Variants in AXDND1 observed in about 807,000 individuals in gnomAD.
The protein encoded by AXDND1 is axonemal dynein light chain domain-containing protein 1.
In AXDND1, 110 loss-of-function variants were observed where a neutral mutation model predicts 137.5. That is an observed-to-expected ratio of 0.80 (90% CI 0.69 to 0.94). AXDND1 has a LOEUF of 0.94. Ranked by LOEUF, AXDND1 falls within the 40% of genes least tolerant of loss-of-function variation. AXDND1 has a pLI of 0.00. For synonymous variants in AXDND1, 414 were observed against 399.7 expected, an observed-to-expected ratio of 1.04 and a Z score of -0.43; for missense variants, 1,191 against 1,169.8, an observed-to-expected ratio of 1.02 and a Z score of -0.26.
chr1:179,521,025 A>G (rs556581152), intron 21 of AXDND1, among the ~76,000 whole-genome samples: 129 of 152,006 alleles, frequency 8.5e-4, no homozygotes, highest in African/African-American at 2.2e-3. Context: ...TCAGCGGTCC[A>G]GTTATGGTTC....
At chr1:179,551,133 A>G (rs764037878) in intron 25 of AXDND1, 12 of 1,612,480 alleles carry the variant, frequency 7.4e-6, no homozygotes, top group Admixed American at 1.7e-5. Flanking sequence ...TGACTTTTCT[A>G]TGGCAGGCCC....
chr1:179,473,945 T>G (rs1024929462), intron 17 of AXDND1, among the ~76,000 whole-genome samples: 15 of 152,184 alleles, frequency 9.9e-5, no homozygotes, highest in Non-Finnish European at 2.2e-4. Flanking sequence ...TAGTCTTGGC[T>G]GGGTGTGGTG....
At position 179,495,156 on chromosome 1, in the gene AXDND1, G is replaced by GT. The variant is rs943760899; in HGVS notation, c.2388+2213dup. ...CAGGTAATATAAATCCTCCAAATTT[G>GT]TTTTTTTTCAAGATCAGGCTATTCT... On this transcript the variant is annotated intron_variant, in intron 20 of 25. Transcript: ENST00000367618. Among the ~76,000 whole-genome samples the GT allele has an allele frequency of 2.4e-4, 37 of 151,180 alleles. No homozygotes were observed. The East Asian group carries it at 5.6e-3, about 23-fold the overall frequency.
At chr1:179,453,078 C>T (rs998875467) in intron 16 of AXDND1, 1 of 152,206 alleles carries the variant, frequency 6.6e-6, no homozygotes, top group Non-Finnish European at 1.5e-5. Context: ...TGCGGGTGTA[C>T]AGAAGTCAAG....
chr1:179,468,874 C>T (rs954551083), intron 17 of AXDND1, among the ~76,000 whole-genome samples: 6 of 152,094 alleles, frequency 3.9e-5, no homozygotes, highest in Non-Finnish European at 8.8e-5. Flanking sequence ...CCGTCCTACC[C>T]CCAGCCCTAA....
Position 179,554,566 on chromosome 1 carries a change from C to T in AXDND1, c.*47C>T, listed in dbSNP as rs1673795435. 6.2e-7 allele frequency: 1 copy of T among 1,613,986 alleles called. No homozygotes were observed. The highest frequency in any genetic ancestry group is 8.5e-7 in the Non-Finnish European group (1 of 1,179,978). On this transcript the variant is annotated 3_prime_UTR_variant, in exon 26 of 26. Transcript: ENST00000367618. ...GAAGAATTCAGATGTCAGTGGGAGC[C>T]TCCAGGTGGGAGGAGAGCATGCCTA...
At chr1:179,384,724 G>C (rs1648924964) in intron 8 of AXDND1, among the ~76,000 whole-genome samples, 1 of 151,778 alleles carries the variant, frequency 6.6e-6, no homozygotes, top group Non-Finnish European at 1.5e-5. Context: ...TAACATAGAA[G>C]TGATATTGTG....
At chr1:179,403,551 C>T (rs1158755722) in intron 11 of AXDND1, among the ~76,000 whole-genome samples, 1 of 152,196 alleles carries the variant, frequency 6.6e-6, no homozygotes, top group Non-Finnish European at 1.5e-5. Flanking sequence ...ATACAAACTA[C>T]TCATGCAGTG....
chr1:179,456,233 GC>G, intron 16 of AXDND1: 1 of 777,422 alleles, frequency 1.3e-6, no homozygotes, highest in Non-Finnish European at 2.2e-6. Flanking sequence ...ATTAAAATCT[GC>G]CACTGTCATA....
intron 16 of AXDND1, chr1:179,457,323 G>C (rs566775403): frequency 3.4e-6 from 2 of 596,108 alleles, no homozygotes; most frequent in Admixed American, 2.5e-5. Flanking sequence ...AGGAGACTCT[G>C]AGTTAGACAA....
chr1:179,402,989 C>T (rs1320610493), intron 11 of AXDND1, among the ~76,000 whole-genome samples: 4 of 152,088 alleles, frequency 2.6e-5, no homozygotes, highest in African/African-American at 4.8e-5. Flanking sequence ...AGTATACAGT[C>T]GACTGTTGAA....
chr1:179,524,115 A>C (rs1020689604), intron 21 of AXDND1, among the ~76,000 whole-genome samples: 2 of 152,106 alleles, frequency 1.3e-5, no homozygotes, highest in Non-Finnish European at 2.9e-5. Flanking sequence ...GGCTGGTTCC[A>C]TATTTTTGCA....
intron 24 of AXDND1, chr1:179,534,434 C>T (rs1240959795): frequency 4.0e-6 from 1 of 247,036 alleles, no homozygotes; most frequent in African/African-American, 2.2e-5. Flanking sequence ...CCAAAATTAA[C>T]TCTTGAAAGG....
intron 12 of AXDND1, among the ~76,000 whole-genome samples, chr1:179,427,890 A>G (rs1423146261): frequency 6.6e-6 from 1 of 152,034 alleles, no homozygotes; most frequent in Non-Finnish European, 1.5e-5. Flanking sequence ...TTCAGAGACA[A>G]AAGACAAACA....
intron 11 of AXDND1, 96 bp from the exon 12 acceptor site, chr1:179,411,050 A>G (rs1447255283): frequency 2.1e-6 from 2 of 959,550 alleles, no homozygotes; most frequent in Non-Finnish European, 3.0e-6. Flanking sequence ...AAAGGAACAC[A>G]TTACCTATTT....
At chr1:179,553,418 A>G (rs10458351) in intron 25 of AXDND1, among the ~76,000 whole-genome samples, 93,628 of 152,142 alleles carry the variant, frequency 0.62, 28,978 homozygotes, top group Admixed American at 0.64. Flanking sequence ...ATATTATTTG[A>G]TCATAAAAAG....
chr1:179,465,168 G>A (rs1173552711), intron 16 of AXDND1, among the ~76,000 whole-genome samples: 2 of 152,164 alleles, frequency 1.3e-5, no homozygotes, highest in Non-Finnish European at 2.9e-5. Flanking sequence ...TGCTGTTGAG[G>A]AGCTGTGTGC....
intron 9 of AXDND1, among the ~76,000 whole-genome samples, chr1:179,392,723 G>A (rs184761059): frequency 5.8e-4 from 88 of 152,274 alleles, no homozygotes; most frequent in African/African-American, 1.6e-3. Flanking sequence ...TTGATAATTA[G>A]TGATGTTGAG....
intron 21 of AXDND1, among the ~76,000 whole-genome samples, chr1:179,516,528 C>G (rs1669556412): frequency 6.6e-6 from 1 of 152,068 alleles, no homozygotes; most frequent in East Asian, 1.9e-4. Context: ...GTTAAAGAGC[C>G]TTGTTTTGTC....
Sources: allele counts gnomAD v4.1 joint callset (sites outside exome capture counted in the v4.1 genomes callset), GRCh38; gene constraint gnomAD v4.1.1; transcripts MANE v1.5; gene names NCBI Gene and HGNC (gene_info 2026-07-23, HGNC 2026-07-21).